Variants in PACRG observed in about 807,000 individuals in gnomAD.
The protein encoded by PACRG is parkin coregulated gene protein.
Under a neutral mutation model 29.7 loss-of-function variants are expected in PACRG, and 29 were observed. The ratio of observed to expected loss-of-function variants is 0.98; its 90% confidence interval spans 0.73 to 1.33. The LOEUF (loss-of-function observed/expected upper bound fraction) is 1.33, where lower values mean the gene tolerates loss of function less well. Among genes scored for constraint, PACRG ranks in the 40% most tolerant of loss-of-function variants. The pLI, the probability that PACRG is intolerant of heterozygous loss-of-function variation, is 0.00. For missense variants in PACRG, 279 were observed against 316.2 expected, an observed-to-expected ratio of 0.88 and a Z score of 0.89; for synonymous variants, 116 against 118.7, an observed-to-expected ratio of 0.98 and a Z score of 0.15.
intron 1 of PACRG, among the ~76,000 whole-genome samples, chr6:162,749,095 G>A (rs979496450): frequency 6.7e-6 from 1 of 150,238 alleles, no homozygotes; most frequent in East Asian, 1.9e-4. Flanking sequence ...TCATTTGTAT[G>A]TAATACTTTA....
intron 4 of PACRG, among the ~76,000 whole-genome samples, chr6:163,149,622 TC>T (rs1299124709): frequency 6.6e-6 from 1 of 151,420 alleles, no homozygotes; most frequent in Non-Finnish European, 1.5e-5. Flanking sequence ...TTCTCCTCCC[TC>T]CCCCGGGCTG....
chr6:162,900,930 A>C (rs1795516744), intron 2 of PACRG, among the ~76,000 whole-genome samples: 1 of 152,100 alleles, frequency 6.6e-6, no homozygotes, highest in Non-Finnish European at 1.5e-5. Flanking sequence ...CTCATACTCT[A>C]TCTCCCTGAC....
intron 2 of PACRG, among the ~76,000 whole-genome samples, chr6:163,049,014 G>A (rs1809706781): frequency 6.6e-6 from 1 of 151,984 alleles, no homozygotes; most frequent in African/African-American, 2.4e-5. Flanking sequence ...AAACTTACAT[G>A]TAAAATTTAT....
intron 2 of PACRG, among the ~76,000 whole-genome samples, chr6:162,973,764 ATG>A (rs113495406): frequency 0.028 from 4,166 of 151,290 alleles, 208 homozygotes; most frequent in African/African-American, 0.094. Flanking sequence ...GTGTGTGTGT[ATG>A]TGTGTGTGTG....
chr6:163,158,492 G>A (rs934751580), intron 4 of PACRG, among the ~76,000 whole-genome samples: 1 of 152,260 alleles, frequency 6.6e-6, no homozygotes, highest in South Asian at 2.1e-4. Context: ...TAAAACCTAG[G>A]AAAGAAAAGT....
chr6:163,161,034 TA>T (rs1401322575), intron 4 of PACRG, among the ~76,000 whole-genome samples: 2 of 152,228 alleles, frequency 1.3e-5, no homozygotes, highest in Non-Finnish European at 2.9e-5. Context: ...AGCCAGGATT[TA>T]ACCTGTGTGT....
intron 2 of PACRG, among the ~76,000 whole-genome samples, chr6:162,915,272 C>CTT (rs1337452829): frequency 2.1e-5 from 3 of 145,446 alleles, no homozygotes; most frequent in African/African-American, 7.5e-5. Flanking sequence ...TTAAAATAAT[C>CTT]TTTTTTTTTT....
At chr6:162,980,171 T>TACAC (rs10559588) in intron 2 of PACRG, among the ~76,000 whole-genome samples, 29 of 150,224 alleles carry the variant, frequency 1.9e-4, no homozygotes, top group African/African-American at 6.8e-4. Context: ...AACACACACA[T>TACAC]ACACACACAC....
intron 2 of PACRG, among the ~76,000 whole-genome samples, chr6:162,918,359 T>G (rs1295481957): frequency 6.6e-6 from 1 of 152,188 alleles, no homozygotes; most frequent in East Asian, 1.9e-4. Context: ...TCAAACCAAT[T>G]TATAATGATA....
intron 1 of PACRG, among the ~76,000 whole-genome samples, chr6:162,767,442 A>G (rs1289059429): frequency 6.6e-6 from 1 of 151,584 alleles, no homozygotes; most frequent in Non-Finnish European, 1.5e-5. Context: ...TATTTGCCTT[A>G]TATATCTATT....
At chr6:163,194,328 T>G (rs1050202962) in intron 4 of PACRG, among the ~76,000 whole-genome samples, 9 of 152,234 alleles carry the variant, frequency 5.9e-5, no homozygotes, top group Non-Finnish European at 1.0e-4. Context: ...TTCTTCCTCT[T>G]GATGTCTCTC....
intron 4 of PACRG, among the ~76,000 whole-genome samples, chr6:163,203,523 CTTTG>C (rs1780787741): frequency 6.6e-6 from 1 of 152,228 alleles, no homozygotes; most frequent in African/African-American, 2.4e-5. Context: ...AGGAAAGAAA[CTTTG>C]TTTGCCTCGG....
intron 2 of PACRG, among the ~76,000 whole-genome samples, chr6:162,879,976 G>A (rs1203535890): frequency 6.6e-6 from 1 of 152,236 alleles, no homozygotes; most frequent in Non-Finnish European, 1.5e-5. Flanking sequence ...CCTGGCATGT[G>A]GTAAGTACCG....
intron 2 of PACRG, among the ~76,000 whole-genome samples, chr6:162,874,903 TCA>T (rs377761511): frequency 1.4e-3 from 209 of 151,928 alleles, no homozygotes; most frequent in South Asian, 4.6e-3. Flanking sequence ...ACATAAACAT[TCA>T]CACAGTTACA....
At chr6:162,855,185 G>C (rs1345043306) in intron 2 of PACRG, among the ~76,000 whole-genome samples, 2 of 152,188 alleles carry the variant, frequency 1.3e-5, no homozygotes, top group Non-Finnish European at 2.9e-5. Context: ...AATGCCCAGC[G>C]CTGACACCTG....
At chr6:163,069,647 G>A (rs1355927373) in intron 3 of PACRG, among the ~76,000 whole-genome samples, 6 of 42,814 alleles carry the variant, frequency 1.4e-4, no homozygotes, top group African/African-American at 5.5e-4. Flanking sequence ...ATAATGAAGC[G>A]CACACTTACA....
chr6:162,964,605 C>A (rs1800880882), intron 2 of PACRG, among the ~76,000 whole-genome samples: 1 of 152,148 alleles, frequency 6.6e-6, no homozygotes, highest in Non-Finnish European at 1.5e-5. Flanking sequence ...CTGCACACAG[C>A]AATCTAGAAG....
chr6:163,219,835 C>T (rs1056813357), intron 4 of PACRG, among the ~76,000 whole-genome samples: 39 of 152,188 alleles, frequency 2.6e-4, no homozygotes, highest in African/African-American at 8.0e-4. Context: ...TCTGCTCGCT[C>T]AGCCCGGAGC....
chr6:163,016,300 T>C (rs768100636), intron 2 of PACRG: 4 of 152,218 alleles, frequency 2.6e-5, no homozygotes, highest in African/African-American at 4.8e-5. Flanking sequence ...GGGCAAGATA[T>C]AATTTTTTAA....
Sources: allele counts gnomAD v4.1 joint callset (sites outside exome capture counted in the v4.1 genomes callset), GRCh38; gene constraint gnomAD v4.1.1; transcripts MANE v1.5; gene names NCBI Gene and HGNC (gene_info 2026-07-23, HGNC 2026-07-21).